Variants in STK3 observed in about 807,000 individuals in gnomAD.
STK3 encodes serine/threonine kinase 3.
STK3 carries 41 observed loss-of-function variants against 58.0 expected under a neutral mutation model. The ratio of observed to expected loss-of-function variants is 0.71; its 90% CI spans 0.55 to 0.92. The LOEUF (loss-of-function observed/expected upper bound fraction) is 0.92, where lower values mean the gene tolerates loss of function less well. STK3 is among the 40% of genes least tolerant of loss of function. STK3 has a pLI of 0.00. For missense variants in STK3, 479 were observed against 602.7 expected, an observed-to-expected ratio of 0.79 and a Z score of 2.15; for synonymous variants, 170 against 191.0, an observed-to-expected ratio of 0.89 and a Z score of 0.91.
chr8:98,621,230 G>A (rs866371085), intron 6 of STK3, among the ~76,000 whole-genome samples: 6 of 152,166 alleles, frequency 3.9e-5, no homozygotes, highest in Admixed American at 1.3e-4. Context: ...ATGAGCCACC[G>A]CGCCCGGCCA....
At chr8:98,492,478 A>C (rs1322718141) in intron 10 of STK3, among the ~76,000 whole-genome samples, 2 of 152,190 alleles carry the variant, frequency 1.3e-5, no homozygotes, top group African/African-American at 4.8e-5. Context: ...AAATTGGAGA[A>C]AGGCCTAAAA....
At chr8:98,519,989 G>A (rs1825229051) in intron 10 of STK3, among the ~76,000 whole-genome samples, 1 of 151,938 alleles carries the variant, frequency 6.6e-6, no homozygotes, top group Admixed American at 6.6e-5. Context: ...TGAAGTTTTT[G>A]TTCTTATTCC....
intron 3 of STK3, among the ~76,000 whole-genome samples, chr8:98,843,069 A>T (rs1291626180): frequency 1.3e-5 from 2 of 150,026 alleles, no homozygotes; most frequent in African/African-American, 4.9e-5. Context: ...AAATTAATAT[A>T]TATAATATAT....
intron 6 of STK3, among the ~76,000 whole-genome samples, chr8:98,694,436 G>A (rs922911775): frequency 1.3e-5 from 2 of 152,120 alleles, no homozygotes; most frequent in Middle Eastern, 3.4e-3. Context: ...TGCCATGCGG[G>A]TGTGCTGCAC....
chr8:98,733,703 G>A (rs1322914283), intron 4 of STK3, among the ~76,000 whole-genome samples: 1 of 152,032 alleles, frequency 6.6e-6, no homozygotes, highest in Non-Finnish European at 1.5e-5. Flanking sequence ...TTGCAAAACA[G>A]AATTTGGCTT....
chr8:98,874,839 G>T (rs566187900), intron 3 of STK3, among the ~76,000 whole-genome samples: 38 of 151,594 alleles, frequency 2.5e-4, no homozygotes, highest in African/African-American at 9.0e-4. Context: ...GCCCAGGCTG[G>T]TCTCAAACTC....
chr8:98,477,716 G>T (rs1821477353), intron 10 of STK3, among the ~76,000 whole-genome samples: 1 of 65,684 alleles, frequency 1.5e-5, no homozygotes, highest in African/African-American at 5.4e-5. Context: ...GGGGGGGGGG[G>T]TGGGCGGGGG....
chr8:98,897,750 G>A (rs1838510973), intron 1 of STK3, among the ~76,000 whole-genome samples: 1 of 152,132 alleles, frequency 6.6e-6, no homozygotes, highest in African/African-American at 2.4e-5. Context: ...GGAGGCTAAG[G>A]CCTGTATTTT....
chr8:98,442,743 G>T (rs1586576936), intron 1 of STK3, among the ~76,000 whole-genome samples: 1 of 152,284 alleles, frequency 6.6e-6, no homozygotes, highest in South Asian at 2.1e-4. Context: ...ATAAAATAAA[G>T]AACTAGAACT....
intron 10 of STK3, among the ~76,000 whole-genome samples, chr8:98,490,114 T>C (rs1167916288): frequency 1.3e-5 from 2 of 152,352 alleles, no homozygotes; most frequent in Middle Eastern, 3.4e-3. Flanking sequence ...TGCTTAAACT[T>C]GAGGCAAGTT....
chr8:98,420,859 A>G (rs1209209924), intron 3 of STK3, among the ~76,000 whole-genome samples: 2 of 152,230 alleles, frequency 1.3e-5, no homozygotes, highest in Non-Finnish European at 2.9e-5. Flanking sequence ...GCCTTGGTAT[A>G]TAGCTCTTTA....
At chr8:98,692,200 G>A (rs1824462906) in intron 6 of STK3, among the ~76,000 whole-genome samples, 1 of 152,114 alleles carries the variant, frequency 6.6e-6, no homozygotes, top group South Asian at 2.1e-4. Flanking sequence ...TGGTACAGCT[G>A]CTGTGGAAAA....
chr8:98,617,443 G>C (rs1249568754), intron 6 of STK3, among the ~76,000 whole-genome samples: 1 of 133,858 alleles, frequency 7.5e-6, no homozygotes, highest in African/African-American at 2.9e-5. Context: ...GCTAGCAGAA[G>C]GCAAGAAATA....
At chr8:98,547,194 C>T (rs767795249) in intron 9 of STK3, among the ~76,000 whole-genome samples, 4 of 152,138 alleles carry the variant, frequency 2.6e-5, no homozygotes, top group Non-Finnish European at 5.9e-5. Context: ...TGACACTAAC[C>T]ACACAGGACT....
chr8:98,455,700 A>G lies in STK3; in HGVS notation c.*142T>C. Reference sequence around the variant, plus strand: ...TGTCAATTCTGCCTTTTGGGAATTTACCTGGGCATGTACCATTGTCACTTT... The same window carrying G: ...TGTCAATTCTGCCTTTTGGGAATTTGCCTGGGCATGTACCATTGTCACTTT... On this transcript the variant is annotated 3_prime_UTR_variant, in exon 11 of 11. Coordinates refer to ENST00000419617, the MANE Select transcript of STK3 (RefSeq NM_006281.4). The G allele has an allele frequency of 1.1e-6, 1 of 949,948 alleles. No homozygotes were observed. Among genetic ancestry groups the G allele is most frequent in the East Asian group, 2.6e-5 (1 of 37,902 alleles). The allele number at this position is 949,948 out of a possible 1,614,324, so 58.8% of individuals were successfully genotyped here.
At chr8:98,827,457 T>A (rs1032936841), upstream of STK3, among the ~76,000 whole-genome samples, 4 of 152,338 alleles carry the variant, frequency 2.6e-5, no homozygotes, top group South Asian at 8.3e-4. Context: ...GAATGTTGAA[T>A]AATGTGAATA....
At chr8:98,661,550 T>C (rs545788037) in intron 6 of STK3, among the ~76,000 whole-genome samples, 1 of 152,162 alleles carries the variant, frequency 6.6e-6, no homozygotes, top group East Asian at 1.9e-4. Flanking sequence ...ATGCCATTAG[T>C]GACATAACAA....
chr8:98,497,159 A>T (rs1179865733), intron 10 of STK3, among the ~76,000 whole-genome samples: 1 of 152,126 alleles, frequency 6.6e-6, no homozygotes, highest in Admixed American at 6.6e-5. Context: ...ATTTAGAGTC[A>T]ATTGATTTTC....
At chr8:98,655,860 A>G (rs1290866971) in intron 6 of STK3, among the ~76,000 whole-genome samples, 1 of 152,220 alleles carries the variant, frequency 6.6e-6, no homozygotes, top group Non-Finnish European at 1.5e-5. Context: ...GGATGTGGAG[A>G]AATAGGAACA....
Sources: allele counts gnomAD v4.1 joint callset (sites outside exome capture counted in the v4.1 genomes callset), GRCh38; gene constraint gnomAD v4.1.1; transcripts MANE v1.5; gene names NCBI Gene and HGNC (gene_info 2026-07-23, HGNC 2026-07-21).